The following CRYAB variants were observed in gnomAD, a reference collection of about 807,000 sequenced individuals.
CRYAB encodes the protein alpha-crystallin B chain.
A neutral mutation model predicts 12.7 loss-of-function variants in CRYAB; 9 were observed. The ratio of observed to expected loss-of-function variants is 0.71; its 90% CI spans 0.43 to 1.24. The LOEUF (loss-of-function observed/expected upper bound fraction) is 1.24. Ranked by LOEUF, CRYAB falls within the 50% of genes most tolerant of loss-of-function variation. The pLI, the probability that CRYAB is intolerant of heterozygous loss-of-function variation, is 0.00. For synonymous variants in CRYAB, 93 were observed against 86.8 expected (o/e 1.07, Z -0.40); for missense variants, 183 against 226.6 (o/e 0.81, Z 1.24).
At chr11:111,913,018 C>A, upstream of CRYAB, 1 of 870,810 alleles carries the variant, frequency 1.1e-6, no homozygotes, top group Non-Finnish European at 1.8e-6. Flanking sequence ...CCACTCTGGG[C>A]TTAACTGATC....
chr11:111,914,482 T>C (rs1330292234), upstream of CRYAB, among the ~76,000 whole-genome samples: 4 of 152,140 alleles, frequency 2.6e-5, no homozygotes, highest in Non-Finnish European at 4.4e-5. Context: ...CTGGAGTGAA[T>C]ACTTTGTTTT....
At chr11:111,914,700 G>C (rs1214474406), upstream of CRYAB, among the ~76,000 whole-genome samples, 2 of 152,086 alleles carry the variant, frequency 1.3e-5, no homozygotes, top group African/African-American at 4.8e-5. Flanking sequence ...CATGATTTGG[G>C]GGAAGTGTCC....
intron 1 of CRYAB, among the ~76,000 whole-genome samples, chr11:111,920,222 A>G (rs929098009): frequency 3.3e-5 from 5 of 151,774 alleles, no homozygotes; most frequent in Admixed American, 1.3e-4. Flanking sequence ...AAATAGAATA[A>G]AATAAAATAA....
upstream of CRYAB, chr11:111,912,095 G>A (rs781942423): frequency 1.1e-5 from 3 of 276,370 alleles, no homozygotes; most frequent in Non-Finnish European, 2.1e-5. Flanking sequence ...GATGGGAGCC[G>A]GCGTAGTGTG....
At chr11:111,910,190 T>A (rs1566405578) in intron 2 of CRYAB, 137 bp downstream of exon 2, 1 of 1,053,998 alleles carries the variant, frequency 9.5e-7, no homozygotes, top group East Asian at 2.4e-5. Flanking sequence ...CTTCTAGACA[T>A]TGATTTGTAA....
chr11:111,910,051 G>C, intron 2 of CRYAB: 1 of 629,496 alleles, frequency 1.6e-6, no homozygotes, highest in Non-Finnish European at 2.8e-6. Flanking sequence ...ATTCTAATGT[G>C]GCCCAGATTC....
intron 1 of CRYAB, chr11:111,918,591 A>G (rs953082774): frequency 3.3e-6 from 2 of 611,428 alleles, no homozygotes; most frequent in African/African-American, 1.8e-5. Context: ...TTAGGCACTC[A>G]TCTATTATAG....
intron 1 of CRYAB, among the ~76,000 whole-genome samples, chr11:111,920,538 G>GA (rs782071149): frequency 1.1e-3 from 154 of 143,944 alleles, no homozygotes; most frequent in Non-Finnish European, 1.5e-3. Context: ...ACTATGTCTT[G>GA]AAAAAAAAAA....
upstream of CRYAB, chr11:111,913,984 T>C (rs1965555920): frequency 5.2e-6 from 6 of 1,149,784 alleles, no homozygotes; most frequent in Non-Finnish European, 7.3e-6. Flanking sequence ...AGCAGCATCC[T>C]TGGGGGAAGG....
At chr11:111,916,568 A>C (rs1349981061), upstream of CRYAB, among the ~76,000 whole-genome samples, 1 of 152,184 alleles carries the variant, frequency 6.6e-6, no homozygotes, top group African/African-American at 2.4e-5. Context: ...TCCACATCAC[A>C]TATTACCCAG....
intron 1 of CRYAB, among the ~76,000 whole-genome samples, chr11:111,920,108 T>A (rs1232372029): frequency 6.6e-6 from 1 of 151,722 alleles, no homozygotes; most frequent in East Asian, 1.9e-4. Context: ...GTCAGGAGAA[T>A]CCCTTGAACC....
At chr11:111,913,541 C>T (rs1215642803), upstream of CRYAB, 44 of 1,614,044 alleles carry the variant, frequency 2.7e-5, no homozygotes, top group Admixed American at 3.3e-5. Flanking sequence ...CAGGGGCCTC[C>T]GAGCTTAGGC....
At chr11:111,912,533 C>G, upstream of CRYAB, 2 of 489,936 alleles carry the variant, frequency 4.1e-6, no homozygotes, top group East Asian at 3.6e-5. Flanking sequence ...CCAGCTCCCC[C>G]TCCCCAGCTC....
At chr11:111,916,026 G>A (rs1206172454), upstream of CRYAB, among the ~76,000 whole-genome samples, 3 of 152,076 alleles carry the variant, frequency 2.0e-5, no homozygotes, top group Non-Finnish European at 4.4e-5. Flanking sequence ...ACAGGTGTGA[G>A]CCTCTGTACC....
chr11:111,922,362 ATAT>A (rs1965714106), intron 1 of CRYAB, among the ~76,000 whole-genome samples: 1 of 152,216 alleles, frequency 6.6e-6, no homozygotes, highest in African/African-American at 2.4e-5. Flanking sequence ...AGGCTTAAAG[ATAT>A]TATGGCAATT....
upstream of CRYAB, among the ~76,000 whole-genome samples, chr11:111,915,888 G>T (rs1388011572): frequency 6.6e-6 from 1 of 151,876 alleles, no homozygotes; most frequent in African/African-American, 2.4e-5. Context: ...GACTACAGGT[G>T]TGTGCCACCA....
At chr11:111,918,178 T>G (rs587677648), upstream of CRYAB, 1 of 152,656 alleles carries the variant, frequency 6.6e-6, no homozygotes, top group African/African-American at 2.4e-5. Flanking sequence ...TACTGGTGAG[T>G]GCGGGTGAGT....
At chr11:111,913,315 C>G (rs1221992069), upstream of CRYAB, 1 of 738,708 alleles carries the variant, frequency 1.4e-6, no homozygotes, top group African/African-American at 1.8e-5. Flanking sequence ...GGCCTCCCTC[C>G]CGTTCCCTAC....
At position 111,911,506 on chromosome 11, in the gene CRYAB, A is replaced by G. The variant is rs782293258; in HGVS notation, c.201+18T>C. The G allele has an allele frequency of 6.2e-7, 1 of 1,600,890 alleles. No individual in the cohort carries two copies. Among genetic ancestry groups the G allele is most frequent in the Non-Finnish European group, 8.5e-7 (1 of 1,173,984 alleles). On this transcript the variant is annotated intron_variant, in intron 1 of 2. Transcript: ENST00000650687. ...GTTCCAGTAAGGACTCTCCCGTCCT[A>G]GCTGTGGGGAGACTCACCTCTGAGA...
Sources: gnomAD v4.1 joint callset for allele counts (sites outside exome capture counted in the v4.1 genomes callset) on GRCh38, gnomAD v4.1.1 for gene constraint, MANE v1.5 for transcripts, NCBI Gene and HGNC (gene_info 2026-07-23, HGNC 2026-07-21) for gene names.